The following MCPH1 variants were observed in gnomAD, a reference collection of about 807,000 sequenced individuals.
MCPH1 encodes the protein microcephalin 1.
A neutral mutation model predicts 84.5 loss-of-function variants in MCPH1; 104 were observed. The ratio of observed to expected loss-of-function variants is 1.23; its 90% CI spans 1.05 to 1.45. MCPH1 has a LOEUF of 1.45. Among genes scored for constraint, MCPH1 ranks in the 40% most tolerant of loss-of-function variants. The pLI is 0.00. For missense variants in MCPH1, 1,498 were observed against 1,005.7 expected, an observed-to-expected ratio of 1.49 and a Z score of -6.62; for synonymous variants, 514 against 366.8, an observed-to-expected ratio of 1.40 and a Z score of -4.58.
rs115083269 is a variant in MCPH1 at position 6,418,909 on chromosome 8, A to C, written c.233+4026A>C. On this transcript the variant is annotated intron_variant, in intron 3 of 13. Coordinates refer to ENST00000344683, the MANE Select transcript of MCPH1 (RefSeq NM_024596.5). ...TTTTTTTTTTAAGACTCATGGCTTT[A>C]CTGTAATATGTTTTGAATTGATCAT... Among the ~76,000 whole-genome samples the C allele has an allele frequency of 2.5e-3, 373 of 152,002 alleles. 1 individual carries two copies. The highest frequency in any genetic ancestry group is 8.4e-3 in the African/African-American group (346 of 41,428).
At chr8:6,633,823 T>C (rs1428306183) in intron 13 of MCPH1, among the ~76,000 whole-genome samples, 2 of 152,218 alleles carry the variant, frequency 1.3e-5, no homozygotes, top group South Asian at 2.1e-4. Context: ...TGCAGTGTCA[T>C]GTAAAAATAT....
intron 11 of MCPH1, among the ~76,000 whole-genome samples, chr8:6,487,672 A>G (rs1031888115): frequency 2.6e-5 from 4 of 152,216 alleles, no homozygotes; most frequent in African/African-American, 9.6e-5. Flanking sequence ...TCTCTCTGGC[A>G]GACATTTATT....
chr8:6,596,933 G>A (rs559618060), intron 12 of MCPH1, among the ~76,000 whole-genome samples: 47 of 152,244 alleles, frequency 3.1e-4, no homozygotes, highest in African/African-American at 1.1e-3. Flanking sequence ...TAGAGGATAC[G>A]GTCAGAGTTA....
At position 6,439,041 on chromosome 8, in the gene MCPH1, A is replaced by G; in HGVS notation, c.525A>G (p.Ala175=). ...TIEINSRHHS[A]MEKRLQEMKE... is the part of the protein sequence containing the mutation. Reference sequence around the variant, plus strand: ...AAATTAATAGTAGGCACCACAGCGCAATGGAGAAGAGATTACAAGAGATGA... The same window carrying G: ...AAATTAATAGTAGGCACCACAGCGCGATGGAGAAGAGATTACAAGAGATGA... Residue 175 remains alanine (A), a synonymous_variant, in exon 6 of 14, where the codon GCA becomes GCG. Transcript: ENST00000344683. The G allele has an allele frequency of 6.2e-7, 1 of 1,613,436 alleles. No individual in the cohort carries two copies.
chr8:6,507,190 G>A (rs1015476428), intron 12 of MCPH1, among the ~76,000 whole-genome samples: 3 of 152,318 alleles, frequency 2.0e-5, no homozygotes, highest in Non-Finnish European at 4.4e-5. Context: ...GGGCCACCAT[G>A]CCCAGCCCTA....
At chr8:6,592,623 GTTTT>G (rs573651366) in intron 12 of MCPH1, among the ~76,000 whole-genome samples, 1 of 77,558 alleles carries the variant, frequency 1.3e-5, no homozygotes, top group African/African-American at 5.4e-5. Flanking sequence ...TCTTTTTTTT[GTTTT>G]TTTTTTTTTT....
chr8:6,439,132 A>G, intron 6 of MCPH1, 36 bp downstream of exon 6: 4 of 1,596,532 alleles, frequency 2.5e-6, no homozygotes, highest in Middle Eastern at 1.7e-4. Context: ...AATTATGCAA[A>G]TAGCCGATTC....
At chr8:6,526,481 T>G (rs1268519161) in intron 12 of MCPH1, among the ~76,000 whole-genome samples, 2 of 151,970 alleles carry the variant, frequency 1.3e-5, no homozygotes, top group Non-Finnish European at 2.9e-5. Flanking sequence ...GATTGTTATA[T>G]CTCAATGATT....
intron 8 of MCPH1, chr8:6,446,246 A>G (rs1451027216): frequency 5.2e-6 from 5 of 970,490 alleles, no homozygotes; most frequent in East Asian, 1.1e-4. Flanking sequence ...CTTCACAGTT[A>G]TAAGCACAAA....
intron 12 of MCPH1, among the ~76,000 whole-genome samples, chr8:6,597,178 G>GA (rs747377149): frequency 8.5e-5 from 13 of 152,172 alleles, no homozygotes; most frequent in Non-Finnish European, 1.8e-4. Context: ...CCTGCAGTGA[G>GA]AATTAGAGGA....
intron 10 of MCPH1, among the ~76,000 whole-genome samples, chr8:6,479,408 A>C (rs201128904): frequency 7.0e-5 from 1 of 14,242 alleles, no homozygotes; most frequent in African/African-American, 8.3e-5. Flanking sequence ...TTTTCTATTT[A>C]TTTATTTATT....
At chr8:6,473,968 T>A (rs1170450165) in intron 9 of MCPH1, 5 of 1,210,322 alleles carry the variant, frequency 4.1e-6, no homozygotes, top group Non-Finnish European at 6.0e-6. Context: ...ATGCCGTGGC[T>A]TCTTCATAAA....
intron 12 of MCPH1, among the ~76,000 whole-genome samples, chr8:6,537,614 A>G (rs182003829): frequency 4.3e-4 from 65 of 151,894 alleles, no homozygotes; most frequent in Middle Eastern, 3.4e-3. Context: ...GAAGTTTTTT[A>G]TTACTCCCAC....
At chr8:6,567,150 G>T (rs1336177956) in intron 12 of MCPH1, among the ~76,000 whole-genome samples, 1 of 126,734 alleles carries the variant, frequency 7.9e-6, no homozygotes, top group Non-Finnish European at 1.7e-5. Context: ...CAAGGCCATG[G>T]ATAGTGCCCG....
intron 12 of MCPH1, among the ~76,000 whole-genome samples, chr8:6,544,875 T>C (rs1373521713): frequency 6.6e-6 from 1 of 152,196 alleles, no homozygotes; most frequent in Non-Finnish European, 1.5e-5. Flanking sequence ...CATTTCAGAT[T>C]GAACCTGCTA....
intron 10 of MCPH1, 127 bp from the exon 11 acceptor site, chr8:6,480,587 C>A: frequency 2.1e-6 from 2 of 971,248 alleles, no homozygotes; most frequent in Non-Finnish European, 3.3e-6. Context: ...GATATACGTA[C>A]CATAACCAAA....
chr8:6,439,186 A>G (rs567009065), intron 6 of MCPH1, 90 bp downstream of exon 6: 6 of 1,327,410 alleles, frequency 4.5e-6, no homozygotes, highest in Middle Eastern at 2.1e-4. Context: ...AGATATTTTA[A>G]TGTTTCCTGG....
chr8:6,427,745 A>G (rs1801262274), intron 3 of MCPH1, among the ~76,000 whole-genome samples: 1 of 151,742 alleles, frequency 6.6e-6, no homozygotes, highest in Non-Finnish European at 1.5e-5. Flanking sequence ...AAAAACACCT[A>G]GGTTATGTAT....
chr8:6,419,207 CTTAT>C (rs1799802269), intron 3 of MCPH1, among the ~76,000 whole-genome samples: 3 of 149,310 alleles, frequency 2.0e-5, no homozygotes, highest in Non-Finnish European at 3.0e-5. Flanking sequence ...ACCCCAAATA[CTTAT>C]TTGACAGTAT....
Sources: gnomAD v4.1 joint callset for allele counts (sites outside exome capture counted in the v4.1 genomes callset) on GRCh38, gnomAD v4.1.1 for gene constraint, MANE v1.5 for transcripts, NCBI Gene and HGNC (gene_info 2026-07-23, HGNC 2026-07-21) for gene names.